The following CELF4 variants were observed in gnomAD, a reference collection of about 807,000 sequenced individuals.
The protein encoded by CELF4 is CUGBP Elav-like family member 4, also known as CUG-BP- and ETR-3-like factor 4.
In CELF4, 18 loss-of-function variants were observed where a neutral mutation model predicts 59.9. That is an observed-to-expected ratio of 0.30 (90% CI 0.21 to 0.45). CELF4 has a LOEUF of 0.45. Among genes scored for constraint, CELF4 ranks in the 20% least tolerant of loss-of-function variants. The pLI, the probability that CELF4 is intolerant of heterozygous loss-of-function variation, is 1.00. For synonymous variants in CELF4, 261 were observed against 267.1 expected, an observed-to-expected ratio of 0.98 and a Z score of 0.22; for missense variants, 456 against 689.0, an observed-to-expected ratio of 0.66 and a Z score of 3.79.
intron 3 of CELF4, among the ~76,000 whole-genome samples, chr18:37,289,316 G>A (rs2154408637): frequency 6.7e-6 from 1 of 149,980 alleles, no homozygotes; most frequent in South Asian, 2.2e-4. Flanking sequence ...GGAGAAGGAT[G>A]GAAACTTGGG....
At chr18:37,350,170 G>T (rs564501802) in intron 2 of CELF4, among the ~76,000 whole-genome samples, 1 of 152,200 alleles carries the variant, frequency 6.6e-6, no homozygotes, top group South Asian at 2.1e-4. Flanking sequence ...ACAGGCACAC[G>T]ATGGGAACAG....
intron 3 of CELF4, among the ~76,000 whole-genome samples, chr18:37,280,933 G>A (rs1479261325): frequency 6.6e-6 from 1 of 152,238 alleles, no homozygotes; most frequent in Non-Finnish European, 1.5e-5. Context: ...GTGACACCCG[G>A]GGAAGTGACA....
At chr18:37,259,033 G>A (rs891645860) in intron 11 of CELF4, 148 bp downstream of exon 11, 2 of 1,226,378 alleles carry the variant, frequency 1.6e-6, no homozygotes, top group Non-Finnish European at 1.1e-6. Context: ...ATGTGAAGGA[G>A]CAGGTTAAAA....
intron 2 of CELF4, among the ~76,000 whole-genome samples, chr18:37,369,627 C>A (rs952480682): frequency 6.6e-6 from 1 of 152,224 alleles, no homozygotes; most frequent in Non-Finnish European, 1.5e-5. Flanking sequence ...TAGGGCTACA[C>A]CTACACTTGA....
At chr18:37,416,154 G>C (rs2099525816) in intron 2 of CELF4, among the ~76,000 whole-genome samples, 1 of 151,988 alleles carries the variant, frequency 6.6e-6, no homozygotes, top group African/African-American at 2.4e-5. Flanking sequence ...GCAGAGCCCA[G>C]TGGTCCCTTG....
At chr18:37,393,313 C>T (rs551076867) in intron 2 of CELF4, among the ~76,000 whole-genome samples, 18 of 152,230 alleles carry the variant, frequency 1.2e-4, no homozygotes, top group Non-Finnish European at 1.8e-4. Flanking sequence ...TGCTCAAAGC[C>T]ACTCAGAGCC....
At chr18:37,498,997 A>T (rs2099928423) in intron 1 of CELF4, among the ~76,000 whole-genome samples, 1 of 152,194 alleles carries the variant, frequency 6.6e-6, no homozygotes, top group South Asian at 2.1e-4. Flanking sequence ...TGTGATGCTT[A>T]AATTCCCTAC....
At chr18:37,342,469 G>A (rs2098090623) in intron 2 of CELF4, among the ~76,000 whole-genome samples, 1 of 152,170 alleles carries the variant, frequency 6.6e-6, no homozygotes, top group African/African-American at 2.4e-5. Context: ...AAGGGGGCCT[G>A]CCTCGGAGGG....
intron 2 of CELF4, among the ~76,000 whole-genome samples, chr18:37,400,862 C>T (rs373471469): frequency 1.7e-4 from 26 of 152,360 alleles, no homozygotes; most frequent in East Asian, 5.8e-4. Flanking sequence ...CAGATGGAGA[C>T]GCCTGAATTA....
rs76871859 is a variant in CELF4, at chr18:37,529,721, C to T, written c.286+35635G>A. ...GTGTGATGTGGTGCTGGTAGGGGGGCAGGAACCTGAGTTCTATTCCCAGGG... is the reference window on the plus strand; with the variant it reads ...GTGTGATGTGGTGCTGGTAGGGGGGTAGGAACCTGAGTTCTATTCCCAGGG... On this transcript the variant is annotated intron_variant, in intron 1 of 12. Transcript: ENST00000420428. Among the ~76,000 whole-genome samples, 1,080 of 152,268 alleles carry T rather than the reference C, an allele frequency of 7.1e-3. 16 individuals carry two copies. The highest frequency in any genetic ancestry group is 0.025 in the African/African-American group (1,019 of 41,546).
chr18:37,421,242 G>C (rs898081836), intron 2 of CELF4, among the ~76,000 whole-genome samples: 1 of 152,204 alleles, frequency 6.6e-6, no homozygotes, highest in Non-Finnish European at 1.5e-5. Context: ...GATTGAACAC[G>C]AAGCATGTTA....
chr18:37,287,896 C>G (rs2094956561), intron 3 of CELF4, among the ~76,000 whole-genome samples: 1 of 152,218 alleles, frequency 6.6e-6, no homozygotes, highest in Non-Finnish European at 1.5e-5. Flanking sequence ...TGATGGATGA[C>G]ACATAAATAG....
At chr18:37,259,443 G>C (rs1165518623) in intron 10 of CELF4, among the ~76,000 whole-genome samples, 179 bp from the exon 11 acceptor site, 2 of 152,158 alleles carry the variant, frequency 1.3e-5, no homozygotes, top group African/African-American at 4.8e-5. Flanking sequence ...GCTGAGCCCC[G>C]GGTCTGAGCT....
At chr18:37,283,534 A>G (rs944820408) in intron 3 of CELF4, among the ~76,000 whole-genome samples, 5 of 152,188 alleles carry the variant, frequency 3.3e-5, no homozygotes, top group Non-Finnish European at 7.4e-5. Context: ...CATGTAGTAG[A>G]TGCTCAATAA....
chr18:37,344,019 A>C (rs2098156383), intron 2 of CELF4, among the ~76,000 whole-genome samples: 1 of 152,134 alleles, frequency 6.6e-6, no homozygotes. Context: ...TTCTCCAGGA[A>C]GCCCATTAGA....
intron 2 of CELF4, among the ~76,000 whole-genome samples, chr18:37,345,527 T>C (rs1271744613): frequency 6.6e-6 from 1 of 151,552 alleles, no homozygotes; most frequent in African/African-American, 2.4e-5. Flanking sequence ...AACCAGCACA[T>C]GGTAGATGCT....
At chr18:37,428,885 T>G (rs1392121857) in intron 2 of CELF4, among the ~76,000 whole-genome samples, 1 of 152,214 alleles carries the variant, frequency 6.6e-6, no homozygotes, top group Non-Finnish European at 1.5e-5. Flanking sequence ...AACATCATTT[T>G]GACATCCAGA....
intron 6 of CELF4, 158 bp from the exon 7 acceptor site, chr18:37,273,321 T>C: frequency 7.0e-7 from 1 of 1,428,984 alleles, no homozygotes. Flanking sequence ...ATTCTTGCCC[T>C]GTACCTCAAC....
chr18:37,328,879 T>A (rs1053025250), intron 2 of CELF4, among the ~76,000 whole-genome samples: 8 of 152,170 alleles, frequency 5.3e-5, no homozygotes, highest in Non-Finnish European at 1.2e-4. Flanking sequence ...ACAGACATAA[T>A]TTGCAGGACC....
Sources: allele counts gnomAD v4.1 joint callset (sites outside exome capture counted in the v4.1 genomes callset), GRCh38; gene constraint gnomAD v4.1.1; transcripts MANE v1.5; gene names NCBI Gene and HGNC (gene_info 2026-07-23, HGNC 2026-07-21).